MTUS2: variants seen among roughly 807,000 people sequenced by gnomAD.
MTUS2 encodes microtubule associated scaffold protein 2.
In MTUS2, 40 loss-of-function variants were observed where a neutral mutation model predicts 114.1. The observed-to-expected ratio is 0.35, with a 90% confidence interval of 0.27 to 0.46. The LOEUF is 0.46. MTUS2 is among the 20% of genes least tolerant of loss of function. The probability of loss-of-function intolerance (pLI) is 1.00; values close to 1 mark genes in which losing one functional copy is unlikely to be tolerated. For missense variants in MTUS2, 1,679 were observed against 1,705.4 expected, an observed-to-expected ratio of 0.98 and a Z score of 0.27; for synonymous variants, 688 against 672.0, an observed-to-expected ratio of 1.02 and a Z score of -0.37.
chr13:29,016,620 C>T (rs961999872), intron 2 of MTUS2, among the ~76,000 whole-genome samples: 1 of 152,048 alleles, frequency 6.6e-6, no homozygotes, highest in Non-Finnish European at 1.5e-5. Context: ...CTTCTTTACT[C>T]TTTCTACCCT....
chr13:29,130,903 C>T (rs968455530), intron 5 of MTUS2, among the ~76,000 whole-genome samples: 14 of 152,186 alleles, frequency 9.2e-5, no homozygotes, highest in African/African-American at 2.2e-4. Context: ...GGATTACAGG[C>T]GTGAACTACT....
intron 7 of MTUS2, among the ~76,000 whole-genome samples, chr13:29,338,264 CT>C (rs1301205608): frequency 6.6e-6 from 1 of 151,674 alleles, no homozygotes; most frequent in African/African-American, 2.4e-5. Context: ...TGATTTTTTT[CT>C]TTTGTACACT....
intron 2 of MTUS2, among the ~76,000 whole-genome samples, chr13:28,879,311 T>C (rs1878145135): frequency 6.6e-6 from 1 of 152,250 alleles, no homozygotes; most frequent in Non-Finnish European, 1.5e-5. Flanking sequence ...TATGTTTTCC[T>C]TAAGTGCCTG....
intron 5 of MTUS2, among the ~76,000 whole-genome samples, chr13:29,273,584 T>G (rs1340211930): frequency 6.6e-6 from 1 of 152,154 alleles, no homozygotes; most frequent in Non-Finnish European, 1.5e-5. Context: ...TTTACCTCTT[T>G]AAAGTGTATA....
chr13:29,472,048 G>T (rs760669167), intron 9 of MTUS2, among the ~76,000 whole-genome samples: 9 of 152,098 alleles, frequency 5.9e-5, no homozygotes, highest in Non-Finnish European at 1.3e-4. Context: ...TTTTTGAGAT[G>T]AAGTCTTGCT....
chr13:28,997,489 A>T (rs938805878), intron 2 of MTUS2, among the ~76,000 whole-genome samples: 14 of 152,042 alleles, frequency 9.2e-5, no homozygotes, highest in Admixed American at 3.9e-4. Flanking sequence ...TGACAGTGGG[A>T]TGTTAAAGTC....
intron 8 of MTUS2, among the ~76,000 whole-genome samples, chr13:29,383,503 T>A (rs1268474300): frequency 2.0e-5 from 3 of 152,056 alleles, no homozygotes; most frequent in Non-Finnish European, 2.9e-5. Context: ...CAAGGATGAC[T>A]AAGTGACTCT....
At chr13:29,428,598 T>TGGGGCC in intron 8 of MTUS2, 1 of 155,460 alleles carries the variant, frequency 6.4e-6, no homozygotes, top group Non-Finnish European at 1.4e-5. Flanking sequence ...CCTTCCTGGC[T>TGGGGCC]CCCGCCCGCC....
At position 29,170,566 on chromosome 13, in the gene MTUS2, A is replaced by G. The variant is rs1189159413; in HGVS notation, c.2644+69596A>G. Among the ~76,000 whole-genome samples the G allele has an allele frequency of 2.6e-5, 4 of 152,256 alleles. No individual in the cohort carries two copies. In the East Asian group the frequency reaches 5.8e-4, roughly 22 times the overall value. On this transcript the variant is annotated intron_variant, in intron 5 of 15. Coordinates refer to ENST00000612955, the MANE Select transcript of MTUS2 (RefSeq NM_001033602.4). ...TATATAAAAATGCTGAGTGAACTGT[A>G]AAACTGAATACAGATGTTAGTAATT...
chr13:29,112,131 C>A (rs1464922887), intron 5 of MTUS2, among the ~76,000 whole-genome samples: 1 of 152,078 alleles, frequency 6.6e-6, no homozygotes, highest in African/African-American at 2.4e-5. Flanking sequence ...AGGAGAACAG[C>A]CATGGAAAAT....
At chr13:28,888,309 G>GT in intron 2 of MTUS2, among the ~76,000 whole-genome samples, 1 of 151,822 alleles carries the variant, frequency 6.6e-6, no homozygotes, top group Non-Finnish European at 1.5e-5. Flanking sequence ...TGGTAAAAAT[G>GT]TTTTAAATAG....
At chr13:29,360,997 A>G (rs1448439732) in intron 8 of MTUS2, among the ~76,000 whole-genome samples, 1 of 152,204 alleles carries the variant, frequency 6.6e-6, no homozygotes, top group African/African-American at 2.4e-5. Context: ...TATATTGATA[A>G]TATGTTCCGT....
At chr13:29,088,920 CTCTG>C (rs1393488451) in intron 4 of MTUS2, among the ~76,000 whole-genome samples, 1 of 152,160 alleles carries the variant, frequency 6.6e-6, no homozygotes, top group East Asian at 1.9e-4. Flanking sequence ...CAATTTGCCA[CTCTG>C]TCTTTTAGAT....
chr13:28,940,371 A>G (rs1226652153), intron 2 of MTUS2, among the ~76,000 whole-genome samples: 2 of 152,238 alleles, frequency 1.3e-5, no homozygotes, highest in Non-Finnish European at 2.9e-5. Flanking sequence ...ATAAAAGGTC[A>G]CATATTGTAT....
intron 2 of MTUS2, among the ~76,000 whole-genome samples, chr13:28,847,015 C>T (rs909777934): frequency 6.6e-6 from 1 of 152,140 alleles, no homozygotes; most frequent in African/African-American, 2.4e-5. Context: ...TGAGGATTTT[C>T]TGAGCAAAGT....
At chr13:29,188,806 C>T (rs955561689) in intron 5 of MTUS2, among the ~76,000 whole-genome samples, 4 of 152,190 alleles carry the variant, frequency 2.6e-5, no homozygotes, top group Non-Finnish European at 5.9e-5. Context: ...TCTGCAGTAG[C>T]CTCTGGTCAG....
At chr13:29,501,990 A>T (rs1871970691) in intron 15 of MTUS2, among the ~76,000 whole-genome samples, 2 of 152,218 alleles carry the variant, frequency 1.3e-5, no homozygotes, top group African/African-American at 4.8e-5. Flanking sequence ...CTTCACATGT[A>T]CATGCTTATT....
At chr13:28,928,535 A>C (rs937057004) in intron 2 of MTUS2, among the ~76,000 whole-genome samples, 2 of 152,254 alleles carry the variant, frequency 1.3e-5, no homozygotes, top group African/African-American at 4.8e-5. Context: ...AGAAATGCAA[A>C]TCGAAACCCC....
intron 5 of MTUS2, among the ~76,000 whole-genome samples, chr13:29,197,441 G>A (rs916229077): frequency 3.3e-5 from 5 of 152,260 alleles, no homozygotes; most frequent in African/African-American, 1.2e-4. Context: ...GTGTATATGT[G>A]CCACATTTTC....
Sources: allele counts gnomAD v4.1 joint callset (sites outside exome capture counted in the v4.1 genomes callset), GRCh38; gene constraint gnomAD v4.1.1; transcripts MANE v1.5; gene names NCBI Gene and HGNC (gene_info 2026-07-23, HGNC 2026-07-21).